Variants in ANOS1 observed in about 807,000 individuals in gnomAD.
The protein encoded by ANOS1 is anosmin 1.
In ANOS1, 6 loss-of-function variants were observed where a neutral mutation model predicts 59.0. The observed-to-expected ratio is 0.10, with a 90% CI of 0.06 to 0.20. The LOEUF is 0.20. Ranked by LOEUF, ANOS1 falls within the 10% of genes least tolerant of loss-of-function variation. The pLI is 1.00. For synonymous variants in ANOS1, 217 were observed against 223.4 expected (o/e 0.97, Z 0.25); for missense variants, 433 against 542.3 (o/e 0.80, Z 2.00).
chrX:8,590,242 T>TG (rs1930592757), intron 4 of ANOS1, among the ~76,000 whole-genome samples: 1 of 112,252 alleles, frequency 8.9e-6, no homozygotes, highest in Non-Finnish European at 1.9e-5. Flanking sequence ...ATCTATCTCC[T>TG]GGTACATCTT....
At chrX:8,609,765 T>G (rs1931009639) in intron 3 of ANOS1, among the ~76,000 whole-genome samples, 1 of 110,364 alleles carries the variant, frequency 9.1e-6, no homozygotes, top group South Asian at 3.9e-4. Context: ...CCCAGCACTT[T>G]GGGAGGCCAA....
chrX:8,538,814 T>A (rs1341654737), intron 10 of ANOS1, among the ~76,000 whole-genome samples: 1 of 111,923 alleles, frequency 8.9e-6, no homozygotes, highest in Non-Finnish European at 1.9e-5. Context: ...TTTCTGAAAA[T>A]CCAGTGACTT....
chrX:8,591,572 G>A (rs910602535), intron 4 of ANOS1, among the ~76,000 whole-genome samples: 2 of 112,001 alleles, frequency 1.8e-5, no homozygotes, highest in African/African-American at 6.5e-5. Context: ...GCATCAGGGC[G>A]ATGTCAGTTC....
chrX:8,553,907 T>C (rs186252083), intron 9 of ANOS1, 45 bp downstream of exon 9: 1 of 1,113,818 alleles, frequency 9.0e-7, no homozygotes, highest in Admixed American at 2.2e-5. Context: ...TATATTACTG[T>C]GCTGTTTAAA....
intron 1 of ANOS1, among the ~76,000 whole-genome samples, chrX:8,720,495 T>G (rs757282098): frequency 6.5e-4 from 73 of 112,497 alleles, no homozygotes; most frequent in Non-Finnish European, 1.2e-3. Flanking sequence ...GATCATGAGT[T>G]AAATTACTAT....
intron 2 of ANOS1, among the ~76,000 whole-genome samples, chrX:8,686,777 C>G (rs758238048): frequency 9.0e-6 from 1 of 110,766 alleles, no homozygotes; most frequent in Non-Finnish European, 1.9e-5. Context: ...CATAGCGAAA[C>G]CCCCACTCTA....
intron 2 of ANOS1, among the ~76,000 whole-genome samples, chrX:8,645,890 C>T (rs1040439037): frequency 1.5e-4 from 17 of 112,330 alleles, no homozygotes; most frequent in South Asian, 1.5e-3. Flanking sequence ...GTGATCCGCC[C>T]GCCTCGGCCT....
chrX:8,715,257 G>T (rs906443831), intron 1 of ANOS1, among the ~76,000 whole-genome samples: 1 of 110,348 alleles, frequency 9.1e-6, no homozygotes, highest in South Asian at 3.9e-4. Context: ...TGCATCATAC[G>T]GAAAGGTGAA....
At chrX:8,679,545 CAA>C (rs201433193) in intron 2 of ANOS1, among the ~76,000 whole-genome samples, 85 of 89,587 alleles carry the variant, frequency 9.5e-4, no homozygotes, top group Non-Finnish European at 1.1e-3. Context: ...GGATTTCTTG[CAA>C]AAAAAAAAAA....
At chrX:8,699,632 G>T in intron 2 of ANOS1, 66 bp downstream of exon 2, 1 of 870,788 alleles carries the variant, frequency 1.1e-6, no homozygotes, top group Non-Finnish European at 1.6e-6. Flanking sequence ...GCAACTTACT[G>T]TGAATCTATA....
At chrX:8,566,071 T>C in intron 8 of ANOS1, 1 of 754,362 alleles carries the variant, frequency 1.3e-6, no homozygotes, top group Non-Finnish European at 1.6e-6. Context: ...TCATCCACGC[T>C]GCTGCGTTTG....
intron 1 of ANOS1, among the ~76,000 whole-genome samples, chrX:8,727,665 C>A (rs1429968017): frequency 2.7e-5 from 3 of 112,141 alleles, no homozygotes; most frequent in African/African-American, 9.7e-5. Context: ...GGGGACCTGG[C>A]CAGCATCATG....
chrX:8,640,106 C>G lies in ANOS1; in HGVS notation c.256-16436G>C, dbSNP rs190002994. ...TTCTCGCTGGCTTCCCAGTCCCCTC[C>G]GGGCACCATCATCACCATATCCCTC... On this transcript the variant is annotated intron_variant, in intron 2 of 13. Coordinates refer to ENST00000262648, the MANE Select transcript of ANOS1 (RefSeq NM_000216.4). Among the ~76,000 whole-genome samples, 490 of 110,999 alleles carry G rather than the reference C, an allele frequency of 4.4e-3. 2 individuals are homozygous for G. The highest frequency in any genetic ancestry group is 0.015 in the African/African-American group (466 of 30,459).
intron 1 of ANOS1, among the ~76,000 whole-genome samples, chrX:8,730,882 T>C (rs760504659): frequency 4.4e-5 from 5 of 112,804 alleles, no homozygotes; most frequent in Admixed American, 9.3e-5. Context: ...TCGCTCGCGC[T>C]GAGTCCGGAA....
intron 8 of ANOS1, among the ~76,000 whole-genome samples, chrX:8,561,129 T>C (rs1481382323): frequency 3.6e-5 from 4 of 111,673 alleles, no homozygotes. Context: ...GAAGATAATC[T>C]ACATCAACTC....
chrX:8,536,774 C>T lies in ANOS1; in HGVS notation c.1618G>A (p.Ala540Thr), dbSNP rs746545034. The T allele has an allele frequency of 8.3e-7, 1 of 1,204,594 alleles. No individual in the cohort carries two copies. The highest frequency in any genetic ancestry group is 1.8e-5 in the African/African-American group (1 of 56,917). ...AGTCCTTCAGGTGAAAACGTACCTG[C>T]TTCGCCCAGGCAGCCAACAGGCTTG... ...SHKPVGCLGEAGHVLSKVLAK... is the reference protein window; with the variant it reads ...SHKPVGCLGETGHVLSKVLAK... Residue 540 changes from alanine (A) to threonine (T), a missense_variant, in exon 11 of 14, where the codon GCA becomes ACA. Transcript: ENST00000262648.
chrX:8,585,434 C>T (rs1163319486), intron 5 of ANOS1, 38 bp from the exon 6 acceptor site: 4 of 1,203,124 alleles, frequency 3.3e-6, no homozygotes, highest in African/African-American at 1.7e-5. Flanking sequence ...GAACATGTCA[C>T]TTTTTATTCC....
chrX:8,593,913 T>A (rs1462298832), intron 4 of ANOS1, among the ~76,000 whole-genome samples: 3 of 111,575 alleles, frequency 2.7e-5, no homozygotes, highest in African/African-American at 9.8e-5. Context: ...TGCCTCAGCC[T>A]CCCAAAGTGC....
chrX:8,682,968 C>T (rs1932448984), intron 2 of ANOS1, among the ~76,000 whole-genome samples: 1 of 111,266 alleles, frequency 9.0e-6, no homozygotes, highest in African/African-American at 3.3e-5. Context: ...ACTCTCAGGC[C>T]CCAGCCCAGA....
Sources: gnomAD v4.1 joint callset for allele counts (sites outside exome capture counted in the v4.1 genomes callset) on GRCh38, gnomAD v4.1.1 for gene constraint, MANE v1.5 for transcripts, NCBI Gene and HGNC (gene_info 2026-07-23, HGNC 2026-07-21) for gene names.